CDC14A: variants seen among roughly 807,000 people sequenced by gnomAD.
CDC14A encodes the protein dual specificity protein phosphatase CDC14A.
In CDC14A, 53 loss-of-function variants were observed where a neutral mutation model predicts 74.4. The observed-to-expected ratio is 0.71, with a 90% CI of 0.57 to 0.89. CDC14A has a LOEUF of 0.89. Among genes scored for constraint, CDC14A ranks in the 40% least tolerant of loss-of-function variants. CDC14A has a pLI of 0.00. For synonymous variants in CDC14A, 247 were observed against 258.4 expected (o/e 0.96, Z 0.43); for missense variants, 646 against 713.7 (o/e 0.91, Z 1.08).
rs571766362 is a variant in CDC14A at position 100,369,048 on chromosome 1, C to T, written c.141-8498C>T. Among the ~76,000 whole-genome samples, 201 of 151,778 alleles carry T rather than the reference C, an allele frequency of 1.3e-3. 1 individual carries two copies. The highest frequency in any genetic ancestry group is 4.3e-3 in the African/African-American group (178 of 41,344). ...TGGCTGGACTAATTTAGATTCCCGC[C>T]GCCAACAGTGTGAATCTGTTGTTTT... is the stretch of plus-strand genomic sequence containing the variant. On this transcript the variant is annotated intron_variant, in intron 2 of 15. Coordinates refer to ENST00000336454, the MANE Select transcript of CDC14A (RefSeq NM_003672.4).
intron 4 of CDC14A, among the ~76,000 whole-genome samples, chr1:100,397,645 A>T (rs1658695972): frequency 6.6e-6 from 1 of 152,206 alleles, no homozygotes; most frequent in African/African-American, 2.4e-5. Context: ...AATAAGTGTG[A>T]CTGTATAGCT....
intron 3 of CDC14A, among the ~76,000 whole-genome samples, chr1:100,389,467 A>G (rs1378153394): frequency 6.6e-6 from 1 of 150,466 alleles, no homozygotes; most frequent in Non-Finnish European, 1.5e-5. Context: ...AAAAAAATAT[A>G]TATATATGTG....
intron 2 of CDC14A, among the ~76,000 whole-genome samples, chr1:100,361,369 T>C (rs543457835): frequency 6.6e-6 from 1 of 152,206 alleles, no homozygotes; most frequent in East Asian, 1.9e-4. Flanking sequence ...AAGCTGCAAA[T>C]GTATGTGTTA....
intron 13 of CDC14A, among the ~76,000 whole-genome samples, chr1:100,497,065 T>C (rs958838656): frequency 1.4e-4 from 22 of 152,190 alleles, no homozygotes; most frequent in African/African-American, 5.3e-4. Context: ...TTACATCAGG[T>C]AACGGAGATA....
intron 7 of CDC14A, among the ~76,000 whole-genome samples, chr1:100,453,733 G>T (rs948048228): frequency 6.6e-6 from 1 of 152,164 alleles, no homozygotes; most frequent in African/African-American, 2.4e-5. Flanking sequence ...TTCATCGCTG[G>T]GGCTCAAGCA....
chr1:100,513,421 C>G (rs999152347), intron 15 of CDC14A, among the ~76,000 whole-genome samples: 19 of 152,004 alleles, frequency 1.2e-4, no homozygotes, highest in African/African-American at 4.1e-4. Context: ...CCTTAAAGGA[C>G]TGGGGAAAAT....
chr1:100,427,629 C>T (rs1196943592), intron 5 of CDC14A, among the ~76,000 whole-genome samples: 1 of 152,170 alleles, frequency 6.6e-6, no homozygotes, highest in East Asian at 1.9e-4. Flanking sequence ...GCATGGCTGA[C>T]TCTTCTCTTG....
At chr1:100,443,545 G>C (rs1008632850) in intron 7 of CDC14A, among the ~76,000 whole-genome samples, 6 of 151,578 alleles carry the variant, frequency 4.0e-5, no homozygotes, top group African/African-American at 1.5e-4. Context: ...ATGTTGCCCA[G>C]GCTGGTCTTG....
At chr1:100,412,183 C>CT (rs1174669129) in intron 4 of CDC14A, among the ~76,000 whole-genome samples, 4 of 152,110 alleles carry the variant, frequency 2.6e-5, no homozygotes, top group African/African-American at 9.7e-5. Context: ...AAAAACTCAC[C>CT]TTTTAGAATG....
intron 15 of CDC14A, among the ~76,000 whole-genome samples, chr1:100,501,437 C>G (rs936804355): frequency 6.6e-6 from 1 of 152,174 alleles, no homozygotes; most frequent in Non-Finnish European, 1.5e-5. Context: ...TGAAAAATTC[C>G]TATTGCCTAG....
At chr1:100,454,710 AAG>A (rs1249427487) in intron 7 of CDC14A, among the ~76,000 whole-genome samples, 2 of 152,194 alleles carry the variant, frequency 1.3e-5, no homozygotes, top group Non-Finnish European at 2.9e-5. Flanking sequence ...ACATTTTAAA[AAG>A]AGAGTTTTCA....
chr1:100,468,052 G>C lies in CDC14A; in HGVS notation c.935G>C (p.Arg312Pro), dbSNP rs369245990. The stretch of plus-strand genomic sequence containing the variant: ...ATAATTGCTTGGATTAGAATATGCC[G>C]GCCAGGCTCTATTATAGGACCCCAG... Reference protein sequence around the residue: ...AEIIAWIRICRPGSIIGPQQH... With the variant: ...AEIIAWIRICPPGSIIGPQQH... The change falls in exon 10 of 16, where the codon CGG becomes CCG. Residue 312 changes from arginine (R) to proline (P), a missense_variant. Physicochemically the swap from Arg to Pro is moderately radical, Grantham distance 103. Coordinates refer to ENST00000336454, the MANE Select transcript of CDC14A (RefSeq NM_003672.4). 11 of 1,613,018 alleles carry C rather than the reference G, an allele frequency of 6.8e-6. No individual in the cohort carries two copies. Among genetic ancestry groups the C allele is most frequent in the East Asian group, 2.2e-5 (1 of 44,844 alleles).
chr1:100,377,511 TA>T (rs756031341), intron 2 of CDC14A, 34 bp from the exon 3 acceptor site: 31 of 1,435,156 alleles, frequency 2.2e-5, no homozygotes, highest in Non-Finnish European at 2.9e-5. Flanking sequence ...ATACTTTGAC[TA>T]AATACTACGT....
At chr1:100,455,302 A>G (rs1666568901) in intron 7 of CDC14A, 103 bp from the exon 8 acceptor site, 2 of 699,194 alleles carry the variant, frequency 2.9e-6, no homozygotes, top group South Asian at 1.8e-5. Context: ...ATGTATGTCT[A>G]ATTAGTACTA....
intron 10 of CDC14A, among the ~76,000 whole-genome samples, chr1:100,481,597 T>C (rs1037691636): frequency 1.3e-5 from 2 of 152,202 alleles, no homozygotes; most frequent in Admixed American, 1.3e-4. Context: ...TATTTTCTTA[T>C]GTCCCATGCC....
At chr1:100,430,863 C>T (rs1399854262) in intron 5 of CDC14A, among the ~76,000 whole-genome samples, 1 of 152,176 alleles carries the variant, frequency 6.6e-6, no homozygotes. Flanking sequence ...TCCTTTCATT[C>T]TCAACTTTTC....
chr1:100,414,272 C>A (rs774508593), intron 4 of CDC14A, among the ~76,000 whole-genome samples: 1 of 150,410 alleles, frequency 6.6e-6, no homozygotes, highest in Non-Finnish European at 1.5e-5. Context: ...TCGAGACCAG[C>A]GTGGGCAACA....
At chr1:100,383,894 CT>C (rs368973262) in intron 3 of CDC14A, among the ~76,000 whole-genome samples, 32,282 of 146,000 alleles carry the variant, frequency 0.22, 4,205 homozygotes, top group African/African-American at 0.38. Context: ...ACCTTTAACT[CT>C]TTTTTTTTTT....
chr1:100,453,252 T>C (rs1165540196), intron 7 of CDC14A, among the ~76,000 whole-genome samples: 1 of 152,324 alleles, frequency 6.6e-6, no homozygotes, highest in East Asian at 1.9e-4. Flanking sequence ...TTATAAAAGG[T>C]TGCTATTTAA....
Sources: allele counts gnomAD v4.1 joint callset (sites outside exome capture counted in the v4.1 genomes callset), GRCh38; gene constraint gnomAD v4.1.1; transcripts MANE v1.5; gene names NCBI Gene and HGNC (gene_info 2026-07-23, HGNC 2026-07-21).